GTSF1: variants seen among roughly 807,000 people sequenced by gnomAD.
The protein encoded by GTSF1 is gametocyte-specific factor 1.
In GTSF1, 11 loss-of-function variants were observed where a neutral mutation model predicts 28.9. That is an observed-to-expected ratio of 0.38 (90% confidence interval 0.24 to 0.63). The LOEUF is 0.63. Ranked by LOEUF, GTSF1 falls within the 30% of genes least tolerant of loss-of-function variation. GTSF1 has a pLI of 0.56. For synonymous variants in GTSF1, 69 were observed against 65.6 expected (o/e 1.05, Z -0.25); for missense variants, 146 against 201.0 (o/e 0.73, Z 1.66).
chr12:54,463,263 C>T lies in GTSF1; in HGVS notation c.152G>A (p.Cys51Tyr). Residue 51 changes from cysteine to tyrosine, a missense_variant, in exon 4 of 9, where the codon TGT (cysteine) becomes TAT (tyrosine). By Grantham distance (194) the Cys-to-Tyr change is radical. Transcript: ENST00000305879. ...HPDVASKLAT[C>Y]PFNARHQVPR... ...AACCTGGTGGCGAGCATTGAAGGGA[C>T]AAGTAGCCAATTTGCTTGCAACATC... The T allele has an allele frequency of 6.2e-7, 1 of 1,613,916 alleles. No homozygotes were observed. The highest frequency in any genetic ancestry group is 8.5e-7 in the Non-Finnish European group (1 of 1,179,856).
At chr12:54,463,371 T>A in intron 3 of GTSF1, 74 bp from the exon 4 acceptor site, 1 of 1,425,742 alleles carries the variant, frequency 7.0e-7, no homozygotes, top group South Asian at 1.2e-5. Context: ...CTAAGCCTTA[T>A]TCTACAAATG....
chr12:54,464,380 C>T (rs1292661776), intron 3 of GTSF1, among the ~76,000 whole-genome samples: 1 of 152,140 alleles, frequency 6.6e-6, no homozygotes. Flanking sequence ...TCCAGGATTA[C>T]AAGCACTTTT....
rs546990846 is a variant in GTSF1 at position 54,460,529 on chromosome 12, G to A, written c.393-58C>T. Reference sequence around the variant, plus strand: ...ATCAGTATCATTCAAGCAGGCACACGTAAGATAATCAAAATGTGTTTTTTG... The same window carrying A: ...ATCAGTATCATTCAAGCAGGCACACATAAGATAATCAAAATGTGTTTTTTG... On this transcript the variant is annotated intron_variant, in intron 6 of 8. Coordinates refer to ENST00000305879, the MANE Select transcript of GTSF1 (RefSeq NM_144594.3). 24 of 1,108,096 alleles carry A rather than the reference G, an allele frequency of 2.2e-5. No homozygotes were observed. In the African/African-American group the frequency reaches 3.0e-4, roughly 14 times the overall value. The allele number at this position is 1,108,096 out of a possible 1,614,324, so 68.6% of individuals were successfully genotyped here.
At chr12:54,457,281 G>C (rs1006639795) in intron 8 of GTSF1, among the ~76,000 whole-genome samples, 3 of 152,142 alleles carry the variant, frequency 2.0e-5, no homozygotes, top group Non-Finnish European at 2.9e-5. Context: ...AGAAGGGTCT[G>C]GTCTTAAGTT....
rs779821395 is a variant in GTSF1 at position 54,463,160 on chromosome 12, C to G, written c.244+11G>C. 2 of 1,612,650 alleles carry G rather than the reference C, an allele frequency of 1.2e-6. No individual in the cohort carries two copies. Among genetic ancestry groups the G allele is most frequent in the South Asian group, 2.2e-5 (2 of 90,862 alleles). ...CTCCAGTACTGAAATATTTTAGATA[C>G]TAAGTCTTACCAACATCTTGCTCAA... On this transcript the variant is annotated intron_variant, in intron 4 of 8. Transcript: ENST00000305879.
chr12:54,465,597 A>G (rs12312479), intron 2 of GTSF1, among the ~76,000 whole-genome samples: 15,994 of 151,998 alleles, frequency 0.11, 1,002 homozygotes, highest in African/African-American at 0.17. Flanking sequence ...GGGGCCCACA[A>G]CTAGTTCAAG....
chr12:54,469,878 A>C (rs900082896), intron 2 of GTSF1, among the ~76,000 whole-genome samples: 17 of 151,914 alleles, frequency 1.1e-4, no homozygotes, highest in African/African-American at 4.1e-4. Context: ...CTTAAGTAAA[A>C]ACACTTTAAG....
Position 54,462,674 on chromosome 12 carries a change from T to C in GTSF1, c.296A>G (p.Gln99Arg), listed in dbSNP as rs1000930467. Residue 99 changes from glutamine to arginine, a missense_variant, in exon 5 of 9, where the codon CAG becomes CGG. By Grantham distance (43) the Gln-to-Arg change is conservative. Coordinates refer to ENST00000305879, the MANE Select transcript of GTSF1 (RefSeq NM_144594.3). Reference sequence around the variant, plus strand: ...CCAGTCTTCATCGCAAGGAGGGCACTGCCAAGTGCTCTCAGCCAGAGTCTC... The same window carrying C: ...CCAGTCTTCATCGCAAGGAGGGCACCGCCAAGTGCTCTCAGCCAGAGTCTC... ...RQETLAESTW[Q>R]CPPCDEDWDK... 6.2e-7 allele frequency: 1 copy of C among 1,614,122 alleles called. No individual in the cohort carries two copies. The highest frequency in any genetic ancestry group is 8.5e-7 in the Non-Finnish European group (1 of 1,179,954).
At chr12:54,460,835 CT>C (rs1442825249) in intron 6 of GTSF1, among the ~76,000 whole-genome samples, 1 of 152,200 alleles carries the variant, frequency 6.6e-6, no homozygotes, top group Non-Finnish European at 1.5e-5. Flanking sequence ...AAATCTTCAA[CT>C]GAGGTAAAAT....
rs576100454 is a variant in GTSF1, at chr12:54,460,449, C to T, written c.415G>A (p.Glu139Lys). The change falls in exon 7 of 9, where the codon GAA becomes AAA. Residue 139 changes from glutamate (E) to lysine (K), a missense_variant. Transcript: ENST00000305879. ...NNSPASNIVT[E>K]HKNNLASGMR... ...CCTGAAGCCAGGTTATTCTTATGTT[C>T]TGTAACTATGTTGCTCGCAGGGCTG... 1 of 1,613,786 alleles carries T rather than the reference C, an allele frequency of 6.2e-7. No individual in the cohort carries two copies. Among genetic ancestry groups the T allele is most frequent in the Non-Finnish European group, 8.5e-7 (1 of 1,179,802 alleles).
intron 2 of GTSF1, among the ~76,000 whole-genome samples, chr12:54,469,324 G>A (rs112640582): frequency 0.076 from 11,550 of 152,094 alleles, 515 homozygotes; most frequent in South Asian, 0.099. Flanking sequence ...TGATCCACCT[G>A]CCTTGGCCTC....
intron 3 of GTSF1, 44 bp downstream of exon 3, chr12:54,465,023 T>G (rs1348058327): frequency 1.7e-6 from 2 of 1,180,098 alleles, no homozygotes; most frequent in Non-Finnish European, 2.5e-6. Flanking sequence ...TATGGCCTTT[T>G]AAAAGAACTC....
intron 7 of GTSF1, 94 bp downstream of exon 7, chr12:54,460,283 C>A (rs542791749): frequency 1.1e-6 from 1 of 874,812 alleles, no homozygotes; most frequent in Non-Finnish European, 1.9e-6. Context: ...CATGGAAATG[C>A]AAGGTGTTCA....
At chr12:54,464,785 G>T in intron 3 of GTSF1, 1 of 192,184 alleles carries the variant, frequency 5.2e-6, no homozygotes, top group Non-Finnish European at 1.1e-5. Flanking sequence ...ATTTCTCATT[G>T]TTAGCCAAAA....
intron 8 of GTSF1, 113 bp downstream of exon 8, chr12:54,458,976 A>C: frequency 1.5e-6 from 1 of 680,052 alleles, no homozygotes; most frequent in South Asian, 2.0e-5. Context: ...ATGCACACAC[A>C]AAGCTTTAAT....
chr12:54,456,623 A>C (rs1167587586), intron 8 of GTSF1, among the ~76,000 whole-genome samples: 1 of 152,258 alleles, frequency 6.6e-6, no homozygotes, highest in East Asian at 1.9e-4. Context: ...TGATAAAAAC[A>C]TAAATAGGAT....
At position 54,462,715 on chromosome 12, in the gene GTSF1, G is replaced by A. The variant is rs1307856399; in HGVS notation, c.255C>T (p.Thr85=). The A allele has an allele frequency of 2.5e-6, 4 of 1,613,676 alleles. No individual in the cohort carries two copies. Among genetic ancestry groups the A allele is most frequent in the East Asian group, 4.5e-5 (2 of 44,896 alleles). ...CCAGAGTCTCTTGTCTAAGGCTCCTGGTTTGGTTGACTGCAAGACAATAAA... is the reference window on the plus strand; with the variant it reads ...CCAGAGTCTCTTGTCTAAGGCTCCTAGTTTGGTTGACTGCAAGACAATAAA... ...SCIEQDVVNQ[T]RSLRQETLAE... is the part of the protein sequence containing the mutation. Residue 85 remains threonine, a synonymous_variant, in exon 5 of 9, where the codon ACC becomes ACT. Coordinates refer to ENST00000305879, the MANE Select transcript of GTSF1 (RefSeq NM_144594.3).
At chr12:54,469,707 AAGAC>A (rs1956570803) in intron 2 of GTSF1, among the ~76,000 whole-genome samples, 1 of 149,790 alleles carries the variant, frequency 6.7e-6, no homozygotes, top group Non-Finnish European at 1.5e-5. Flanking sequence ...AAAAAAAAAA[AAGAC>A]AGGGTCTTGC....
chr12:54,458,475 G>A (rs904405519), intron 8 of GTSF1, among the ~76,000 whole-genome samples: 6 of 152,264 alleles, frequency 3.9e-5, no homozygotes, highest in Admixed American at 1.3e-4. Flanking sequence ...CAGTTCAGGC[G>A]ATTCTCCTGC....
Sources: allele counts gnomAD v4.1 joint callset (sites outside exome capture counted in the v4.1 genomes callset), GRCh38; gene constraint gnomAD v4.1.1; transcripts MANE v1.5; gene names NCBI Gene and HGNC (gene_info 2026-07-23, HGNC 2026-07-21).